Variants in EDARADD observed in about 807,000 individuals in gnomAD.
EDARADD encodes ectodysplasin-A receptor-associated adapter protein.
A neutral mutation model predicts 25.6 loss-of-function variants in EDARADD; 20 were observed. That is an observed-to-expected ratio of 0.78 (90% CI 0.55 to 1.14). The LOEUF (loss-of-function observed/expected upper bound fraction) is 1.14. Ranked by LOEUF, EDARADD falls within the 50% of genes most tolerant of loss-of-function variation. EDARADD has a pLI of 0.00. For synonymous variants in EDARADD, 86 were observed against 94.4 expected (o/e 0.91, Z 0.52); for missense variants, 225 against 270.1 (o/e 0.83, Z 1.17).
intron 4 of EDARADD, among the ~76,000 whole-genome samples, chr1:236,430,848 T>A (rs1658074978): frequency 6.6e-6 from 1 of 152,134 alleles, no homozygotes; most frequent in Non-Finnish European, 1.5e-5. Context: ...CCGAGCTCGG[T>A]GGCTCACGCC....
chr1:236,467,424 G>GCACACACACACA (rs369424991), intron 4 of EDARADD, among the ~76,000 whole-genome samples: 11 of 120,898 alleles, frequency 9.1e-5, no homozygotes, highest in Middle Eastern at 3.9e-3. Context: ...GCACACACAC[G>GCACACACACACA]CGCACACACA....
rs1223224643 is a variant in EDARADD at position 236,395,012 on chromosome 1, C to T, written c.61+507C>T. Among the ~76,000 whole-genome samples, 1 of 152,184 alleles carries T rather than the reference C, an allele frequency of 6.6e-6. No homozygotes were observed. Among genetic ancestry groups the T allele is most frequent in the Non-Finnish European group, 1.5e-5 (1 of 68,028 alleles). ...AAAGAAAAATCAAAATAGAAAGTAC[C>T]AGCGTGTGCCATCATGCAGCGGCAG... On this transcript the variant is annotated intron_variant, in intron 1 of 5. Transcript: ENST00000334232. This position sits in a 1 kb window ranked among gnomAD's most constrained non-coding sequence, Gnocchi z 6.9.
At chr1:236,390,944 G>GTTA (rs1444904196), upstream of EDARADD, among the ~76,000 whole-genome samples, 4 of 150,000 alleles carry the variant, frequency 2.7e-5, no homozygotes, top group Non-Finnish European at 5.9e-5. Context: ...TGGGTTAGTT[G>GTTA]TTATTATTAT....
chr1:236,385,089 C>CTTTTTTTT (rs34509027), intron 3 of EDARADD, among the ~76,000 whole-genome samples: 19 of 121,938 alleles, frequency 1.6e-4, no homozygotes, highest in African/African-American at 5.7e-4. Context: ...CCTTTTGATT[C>CTTTTTTTT]TTTTTTTTTT....
Position 236,395,405 on chromosome 1 carries a change from G to A in EDARADD, c.61+900G>A. The A allele has an allele frequency of 7.0e-7, 1 of 1,421,916 alleles. No individual in the cohort carries two copies. Among genetic ancestry groups the A allele is most frequent in the Non-Finnish European group, 9.2e-7 (1 of 1,087,270 alleles). The allele number at this position is 1,421,916 out of a possible 1,614,324, so 88.1% of individuals were successfully genotyped here. On this transcript the variant is annotated intron_variant, in intron 1 of 5. Coordinates refer to ENST00000334232, the MANE Select transcript of EDARADD (RefSeq NM_145861.4). This position sits in a 1 kb window ranked among gnomAD's most constrained non-coding sequence, Gnocchi z 6.9. ...GAGGTACCGAGGGACGCGCAGCGAA[G>A]GGGCTTTGCTAATTGCCAAAGCAGG...
At chr1:236,353,244 A>G (rs775440080) in intron 3 of EDARADD, among the ~76,000 whole-genome samples, 20 of 151,940 alleles carry the variant, frequency 1.3e-4, no homozygotes, top group Non-Finnish European at 2.9e-4. Context: ...CCTTGGGCAA[A>G]CTCTTCCCCT....
rs604070 is a variant in EDARADD, at chr1:236,482,370, C to T, written c.369C>T (p.Asp123=). The T allele has an allele frequency of 0.23, 368,256 of 1,613,874 alleles. 44,850 individuals are homozygous for T. Among genetic ancestry groups the T allele is most frequent in the Non-Finnish European group, 0.25 (297,085 of 1,179,924 alleles). ...SDLLNDQDLL[D]VIRIKLDPCH... is the part of the protein sequence containing the mutation. ...TGCTCAATGATCAGGACTTACTAGACGTGATCAGGATAAAGCTGGATCCGT... is the reference window on the plus strand; with the variant it reads ...TGCTCAATGATCAGGACTTACTAGATGTGATCAGGATAAAGCTGGATCCGT... Residue 123 remains aspartate (D), a synonymous_variant, in exon 6 of 6, where the codon GAC becomes GAT. Transcript: ENST00000334232.
At chr1:236,411,435 C>T (rs903028508) in intron 2 of EDARADD, among the ~76,000 whole-genome samples, 12 of 152,142 alleles carry the variant, frequency 7.9e-5, no homozygotes, top group Non-Finnish European at 1.2e-4. Flanking sequence ...GGCATCACTC[C>T]GTTCTCTCAC....
Position 236,484,371 on chromosome 1 carries a change from C to T in EDARADD, c.*1722C>T, listed in dbSNP as rs559506851. 367 of 1,572,744 alleles carry T rather than the reference C, an allele frequency of 2.3e-4. No homozygotes were observed. Among genetic ancestry groups the T allele is most frequent in the Non-Finnish European group, 2.9e-4 (329 of 1,143,332 alleles). ...GACTGGTGCCCCTTGCTGATCTGAG[C>T]GCTTGGCCAAGTACAACCAGCTCCT... is the stretch of plus-strand genomic sequence containing the variant. On this transcript the variant is annotated 3_prime_UTR_variant, in exon 6 of 6. Transcript: ENST00000334232. The surrounding 1 kb of genome is among the most constrained non-coding windows in gnomAD (Gnocchi z 4.1).
At chr1:236,444,870 T>A (rs954782737) in intron 4 of EDARADD, among the ~76,000 whole-genome samples, 1 of 152,178 alleles carries the variant, frequency 6.6e-6, no homozygotes, top group African/African-American at 2.4e-5. Context: ...TTCTGAGATA[T>A]GCCTGTAGTT....
chr1:236,390,320 C>T (rs1280605539), upstream of EDARADD, among the ~76,000 whole-genome samples: 1 of 152,090 alleles, frequency 6.6e-6, no homozygotes, highest in Non-Finnish European at 1.5e-5. Flanking sequence ...CTTTGGGAGG[C>T]CGAGGCGGGC....
rs61333307 is a variant in EDARADD at position 236,445,234 on chromosome 1, C to CTTTTTTTTTTTTTTTTTTTTT, written c.219+17795_219+17796insTTTTTTTTTTTTTTTTTTTTT. On this transcript the variant is annotated intron_variant, in intron 4 of 5. Transcript: ENST00000334232. ...TGCATTAGCTGGGACATAATAAATT[C>CTTTTTTTTTTTTTTTTTTTTT]TTTTTTTTTTTGAGACAGAGTCTTG... 4.4e-3 allele frequency among the ~76,000 whole-genome samples: 397 copies of CTTTTTTTTTTTTTTTTTTTTT among 89,644 alleles called. 135 individuals are homozygous for CTTTTTTTTTTTTTTTTTTTTT. Among genetic ancestry groups the CTTTTTTTTTTTTTTTTTTTTT allele is most frequent in the Non-Finnish European group, 6.9e-3 (287 of 41,710 alleles). 58.8% of individuals were successfully genotyped at this position (89,644 alleles called of 152,430 possible). A position where few individuals can be genotyped will look rare whatever the true frequency, so the allele number is the denominator to read the frequency against.
intron 3 of EDARADD, among the ~76,000 whole-genome samples, chr1:236,388,565 G>A (rs573748012): frequency 6.6e-6 from 1 of 152,258 alleles, no homozygotes; most frequent in Non-Finnish European, 1.5e-5. Flanking sequence ...TTTCACTAAA[G>A]CTTTGTAGTA....
At position 236,394,506 on chromosome 1, in the gene EDARADD, G is replaced by A. The variant is rs776468025; in HGVS notation, c.61+1G>A. 18 of 1,612,668 alleles carry A rather than the reference G, an allele frequency of 1.1e-5. No individual in the cohort carries two copies. The highest frequency in any genetic ancestry group is 1.4e-5 in the Non-Finnish European group (16 of 1,179,654). On this transcript the variant is annotated splice_donor_variant, in intron 1 of 5. Coordinates refer to ENST00000334232, the MANE Select transcript of EDARADD (RefSeq NM_145861.4). LOFTEE classifies it high-confidence loss of function. ...ACTAAAGCTCCTGGTCACCAAGAGG[G>A]TATGTAGGCATTTGCTGTCTTCCTG... is the stretch of plus-strand genomic sequence containing the variant.
intron 5 of EDARADD, among the ~76,000 whole-genome samples, chr1:236,477,506 A>G (rs1001950352): frequency 6.6e-6 from 1 of 152,158 alleles, no homozygotes; most frequent in Non-Finnish European, 1.5e-5. Context: ...ACTACAAAGC[A>G]GGGTCAGGAG....
In EDARADD at chr1:236,484,153, C is replaced by T; in HGVS notation, c.*1504C>T. 1.5e-6 allele frequency: 2 copies of T among 1,359,266 alleles called. No individual in the cohort carries two copies. Among genetic ancestry groups the T allele is most frequent in the Non-Finnish European group, 2.1e-6 (2 of 948,698 alleles). 84.2% of individuals were successfully genotyped at this position (1,359,266 alleles called of 1,614,324 possible). A position where few individuals can be genotyped will look rare whatever the true frequency, so the allele number is the denominator to read the frequency against. Reference sequence around the variant, plus strand: ...GTGACCAACCCAAAGAGGACAGCCTCGGCCGTGAATGAGAAGAAGTGCAAC... The same window carrying T: ...GTGACCAACCCAAAGAGGACAGCCTTGGCCGTGAATGAGAAGAAGTGCAAC... On this transcript the variant is annotated 3_prime_UTR_variant, in exon 6 of 6. Coordinates refer to ENST00000334232, the MANE Select transcript of EDARADD (RefSeq NM_145861.4). The surrounding 1 kb of genome is among the most constrained non-coding windows in gnomAD (Gnocchi z 4.1).
At chr1:236,391,551 C>A (rs1667425796), upstream of EDARADD, among the ~76,000 whole-genome samples, 1 of 152,170 alleles carries the variant, frequency 6.6e-6, no homozygotes, top group Non-Finnish European at 1.5e-5. Context: ...GTGGTTCTAG[C>A]CACTTTTCTG....
intron 4 of EDARADD, among the ~76,000 whole-genome samples, chr1:236,427,658 T>C (rs1657961245): frequency 6.6e-6 from 1 of 152,186 alleles, no homozygotes; most frequent in Admixed American, 6.5e-5. Context: ...CTTTCATTCA[T>C]TCTTTGAAAT....
chr1:236,456,820 A>G (rs1295796432), intron 4 of EDARADD, among the ~76,000 whole-genome samples: 1 of 144,252 alleles, frequency 6.9e-6, no homozygotes, highest in Non-Finnish European at 1.5e-5. Flanking sequence ...TTGACCTTGA[A>G]CCCCGGCCCT....
Sources: allele counts gnomAD v4.1 joint callset (sites outside exome capture counted in the v4.1 genomes callset), GRCh38; gene constraint gnomAD v4.1.1; non-coding constraint Gnocchi (gnomAD v3.1); transcripts MANE v1.5; gene names NCBI Gene and HGNC (gene_info 2026-07-23, HGNC 2026-07-21).